HSD17B12: variants seen among roughly 807,000 people sequenced by gnomAD.
HSD17B12 encodes the protein very-long-chain 3-oxoacyl-CoA reductase.
In HSD17B12, 32 loss-of-function variants were observed where a neutral mutation model predicts 39.3. The observed-to-expected ratio is 0.81, with a 90% confidence interval of 0.61 to 1.09. HSD17B12 has a LOEUF of 1.09. HSD17B12 is among the 50% of genes least tolerant of loss of function. The pLI is 0.00. For synonymous variants in HSD17B12, 150 were observed against 146.7 expected, an observed-to-expected ratio of 1.02 and a Z score of -0.16; for missense variants, 342 against 382.9, an observed-to-expected ratio of 0.89 and a Z score of 0.89.
intron 1 of HSD17B12, among the ~76,000 whole-genome samples, chr11:43,721,134 A>C (rs1259415778): frequency 1.3e-5 from 2 of 151,850 alleles, no homozygotes; most frequent in Admixed American, 6.6e-5. Flanking sequence ...GTATGGGAAG[A>C]TGGACAATAA....
the HSD17B12 span, among the ~76,000 whole-genome samples, chr11:43,625,075 T>C: frequency 6.6e-6 from 1 of 151,870 alleles, no homozygotes; most frequent in African/African-American, 2.4e-5. Context: ...AGGGCAGTTT[T>C]ACAAACAAGT....
the HSD17B12 span, among the ~76,000 whole-genome samples, chr11:43,567,123 T>A: frequency 6.6e-6 from 1 of 152,178 alleles, no homozygotes; most frequent in Non-Finnish European, 1.5e-5. Context: ...CTGATGCAAA[T>A]CTTTTTTGGG....
At chr11:43,718,411 T>C (rs1427420824) in intron 1 of HSD17B12, among the ~76,000 whole-genome samples, 1 of 152,202 alleles carries the variant, frequency 6.6e-6, no homozygotes, top group Non-Finnish European at 1.5e-5. Context: ...CATATGAGAT[T>C]TCTTAGGCAC....
At chr11:43,767,041 G>C (rs1300486555) in intron 3 of HSD17B12, among the ~76,000 whole-genome samples, 2 of 152,184 alleles carry the variant, frequency 1.3e-5, no homozygotes, top group Non-Finnish European at 2.9e-5. Flanking sequence ...GCAGCTGCTT[G>C]AATGTTGCTG....
intron 1 of HSD17B12, among the ~76,000 whole-genome samples, chr11:43,742,580 A>C (rs1950377600): frequency 6.6e-6 from 1 of 152,214 alleles, no homozygotes; most frequent in East Asian, 1.9e-4. Context: ...TTGCAAATAT[A>C]ATACATTACC....
intron 3 of HSD17B12, among the ~76,000 whole-genome samples, chr11:43,758,334 A>G (rs1300804913): frequency 2.0e-5 from 3 of 152,126 alleles, no homozygotes; most frequent in African/African-American, 7.2e-5. Flanking sequence ...CAATCTTGGG[A>G]GACACAGGCA....
intron 1 of HSD17B12, among the ~76,000 whole-genome samples, chr11:43,705,885 C>T (rs1950010387): frequency 6.7e-6 from 1 of 149,868 alleles, no homozygotes; most frequent in Non-Finnish European, 1.5e-5. Flanking sequence ...ACCTCAGCCT[C>T]TCTAGTAGCT....
intron 3 of HSD17B12, among the ~76,000 whole-genome samples, chr11:43,783,871 C>A (rs888147152): frequency 6.6e-6 from 1 of 151,854 alleles, no homozygotes; most frequent in Admixed American, 6.6e-5. Context: ...AACAGTAAAC[C>A]CTTTACATGT....
At chr11:43,578,407 G>C in the HSD17B12 span, among the ~76,000 whole-genome samples, 1 of 152,162 alleles carries the variant, frequency 6.6e-6, no homozygotes, top group Non-Finnish European at 1.5e-5. Context: ...GTTTAGCTCA[G>C]AAGCCGTCCC....
chr11:43,613,562 TA>T, the HSD17B12 span, among the ~76,000 whole-genome samples: 2 of 152,068 alleles, frequency 1.3e-5, no homozygotes, highest in Non-Finnish European at 2.9e-5. Context: ...TGAAAAGTGA[TA>T]ACTTTCTTAT....
chr11:43,619,241 A>G, the HSD17B12 span, among the ~76,000 whole-genome samples: 235 of 47,052 alleles, frequency 5.0e-3, 8 homozygotes, highest in African/African-American at 0.019. Flanking sequence ...ATATATATAT[A>G]TAAAATATAT....
upstream of HSD17B12, among the ~76,000 whole-genome samples, chr11:43,676,848 C>T (rs1409092788): frequency 6.6e-6 from 1 of 152,148 alleles, no homozygotes; most frequent in Non-Finnish European, 1.5e-5. Context: ...TAATAACTGT[C>T]TTCTCCCCCT....
rs1951305254 is a variant in HSD17B12 at position 43,831,075 on chromosome 11, C to A, written c.536+65C>A. 1.4e-5 allele frequency: 20 copies of A among 1,450,086 alleles called. No individual in the cohort carries two copies. In the South Asian group the frequency reaches 2.5e-4, roughly 18 times the overall value. The allele number at this position is 1,450,086 out of a possible 1,614,324, so 89.8% of individuals were successfully genotyped here. On this transcript the variant is annotated intron_variant, in intron 7 of 10. Transcript: ENST00000278353. This position sits in a 1 kb window ranked among gnomAD's most constrained non-coding sequence, Gnocchi z 4.1. ...GCTCATGATTATTTAGAGGGAGAAT[C>A]CTTGCTTTGAAAAAATCACTGAAGT...
the HSD17B12 span, among the ~76,000 whole-genome samples, chr11:43,639,724 T>C: frequency 6.6e-6 from 1 of 152,170 alleles, no homozygotes; most frequent in Non-Finnish European, 1.5e-5. Context: ...TTGCCAAGAA[T>C]GGCATAAGGG....
At chr11:43,712,575 A>G (rs1950077873) in intron 1 of HSD17B12, among the ~76,000 whole-genome samples, 1 of 152,116 alleles carries the variant, frequency 6.6e-6, no homozygotes, top group Non-Finnish European at 1.5e-5. Context: ...CCTCCCCTGC[A>G]CTGAGTTTTC....
At chr11:43,693,465 A>G (rs1380506678) in intron 1 of HSD17B12, among the ~76,000 whole-genome samples, 1 of 152,174 alleles carries the variant, frequency 6.6e-6, no homozygotes, top group African/African-American at 2.4e-5. Flanking sequence ...CCATTATGCC[A>G]TGCTCTTGGT....
At chr11:43,786,394 A>G (rs769355599) in intron 3 of HSD17B12, among the ~76,000 whole-genome samples, 4 of 152,204 alleles carry the variant, frequency 2.6e-5, no homozygotes, top group Non-Finnish European at 4.4e-5. Flanking sequence ...CTTTTTTACT[A>G]CAAGTATGTG....
intron 3 of HSD17B12, among the ~76,000 whole-genome samples, chr11:43,764,714 A>C (rs561793097): frequency 3.9e-5 from 6 of 152,228 alleles, no homozygotes; most frequent in African/African-American, 1.4e-4. Flanking sequence ...TCTGAAATCT[A>C]CTTTGATGGA....
At chr11:43,724,227 G>GTT (rs1950200892) in intron 1 of HSD17B12, 2 of 146,518 alleles carry the variant, frequency 1.4e-5, no homozygotes, top group Non-Finnish European at 3.0e-5. Context: ...CTCTGTGTGT[G>GTT]TGTGTGTGTG....
Sources: allele counts gnomAD v4.1 joint callset (sites outside exome capture counted in the v4.1 genomes callset), GRCh38; gene constraint gnomAD v4.1.1; non-coding constraint Gnocchi (gnomAD v3.1); transcripts MANE v1.5; gene names NCBI Gene and HGNC (gene_info 2026-07-23, HGNC 2026-07-21).